The following SRFBP1 variants were observed in gnomAD, a reference collection of about 807,000 sequenced individuals.
SRFBP1 encodes serum response factor-binding protein 1.
SRFBP1 carries 47 observed loss-of-function variants against 45.5 expected under a neutral mutation model. The observed-to-expected ratio is 1.03, with a 90% CI of 0.82 to 1.32. The LOEUF (loss-of-function observed/expected upper bound fraction) is 1.32. Ranked by LOEUF, SRFBP1 falls within the 40% of genes most tolerant of loss-of-function variation. The probability of loss-of-function intolerance (pLI) is 0.00; values close to 1 mark genes in which losing one functional copy is unlikely to be tolerated. For synonymous variants in SRFBP1, 203 were observed against 166.3 expected, an observed-to-expected ratio of 1.22 and a Z score of -1.70; for missense variants, 621 against 484.6, an observed-to-expected ratio of 1.28 and a Z score of -2.64.
chr5:122,074,614 T>C (rs552981781), intron 2 of SRFBP1, among the ~76,000 whole-genome samples: 22 of 152,322 alleles, frequency 1.4e-4, no homozygotes, highest in African/African-American at 5.1e-4. Flanking sequence ...AAATCATTAG[T>C]GAAAAGCAAG....
intron 2 of SRFBP1, among the ~76,000 whole-genome samples, chr5:122,067,970 A>G (rs1754343752): frequency 1.3e-5 from 2 of 152,112 alleles, no homozygotes; most frequent in Non-Finnish European, 2.9e-5. Context: ...AAATGTAAGA[A>G]GCAAGTATTA....
At chr5:122,076,815 G>T (rs779529468), downstream of SRFBP1, 380 of 1,262,502 alleles carry the variant, frequency 3.0e-4, no homozygotes, top group Admixed American at 7.9e-4. Context: ...GCGCGAAGCA[G>T]TAGCAGTCAG....
chr5:122,067,994 G>A (rs181834031), intron 2 of SRFBP1, among the ~76,000 whole-genome samples: 8 of 152,082 alleles, frequency 5.3e-5, no homozygotes, highest in Admixed American at 2.0e-4. Context: ...TCCTGAAGGT[G>A]TGGGGTTTTT....
At chr5:122,068,717 G>T (rs748174379) in intron 2 of SRFBP1, among the ~76,000 whole-genome samples, 1 of 151,998 alleles carries the variant, frequency 6.6e-6, no homozygotes, top group Non-Finnish European at 1.5e-5. Context: ...GTGTAATAAG[G>T]CTACAGCAGT....
chr5:122,059,292 C>T (rs941196212), intron 2 of SRFBP1, among the ~76,000 whole-genome samples: 2 of 152,054 alleles, frequency 1.3e-5, no homozygotes, highest in African/African-American at 4.8e-5. Flanking sequence ...AAGTTATTTT[C>T]TTGAGGTTGG....
In SRFBP1 at chr5:122,027,094, T is replaced by C; in HGVS notation, c.1258T>C (p.Phe420Leu). Residue 420 changes from phenylalanine (F) to leucine (L), a missense_variant, in exon 8 of 8, where the codon TTT (phenylalanine) becomes CTT (leucine). Coordinates refer to ENST00000339397, the MANE Select transcript of SRFBP1 (RefSeq NM_152546.3). ...AGAACAGCAATCTAATATTGCTGTG[T>C]TTCAGGGGAAAAAAATTACGTTTGA... ...RKEQQSNIAV[F>L]QGKKITFDD is the part of the protein sequence containing the mutation. The C allele has an allele frequency of 6.2e-7, 1 of 1,606,292 alleles. No individual in the cohort carries two copies. The highest frequency in any genetic ancestry group is 8.5e-7 in the Non-Finnish European group (1 of 1,177,814).
chr5:121,989,839 C>T (rs1322408929), intron 3 of SRFBP1, among the ~76,000 whole-genome samples: 2 of 152,138 alleles, frequency 1.3e-5, no homozygotes, highest in African/African-American at 2.4e-5. Context: ...GCAGTAAGTA[C>T]TCTTCTTTGG....
At chr5:122,020,893 T>A (rs1753302511) in intron 6 of SRFBP1, 91 bp downstream of exon 6, 2 of 1,228,128 alleles carry the variant, frequency 1.6e-6, no homozygotes, top group Non-Finnish European at 2.2e-6. Flanking sequence ...AGACTATAAT[T>A]CTAGTTTGTA....
chr5:122,029,158 G>C (rs559944785), downstream of SRFBP1, among the ~76,000 whole-genome samples: 7 of 152,222 alleles, frequency 4.6e-5, no homozygotes, highest in South Asian at 1.2e-3. Context: ...ACATCTAGCA[G>C]ATATAGGCCT....
intron 2 of SRFBP1, among the ~76,000 whole-genome samples, chr5:122,047,209 G>A (rs944324492): frequency 6.6e-6 from 1 of 152,088 alleles, no homozygotes; most frequent in Non-Finnish European, 1.5e-5. Flanking sequence ...AATCCATCTT[G>A]AATTAATTTT....
chr5:122,076,670 C>T (rs1471272037), downstream of SRFBP1, among the ~76,000 whole-genome samples: 1 of 152,202 alleles, frequency 6.6e-6, no homozygotes, highest in East Asian at 1.9e-4. Flanking sequence ...GTTTCCTCCA[C>T]CTCTGTGATT....
intron 2 of SRFBP1, among the ~76,000 whole-genome samples, chr5:122,043,406 A>G (rs184239033): frequency 2.6e-4 from 40 of 152,020 alleles, no homozygotes; most frequent in Admixed American, 5.9e-4. Context: ...AGCAGAGACG[A>G]GGTTTCACTC....
At chr5:122,041,538 G>T (rs1753773113) in intron 2 of SRFBP1, among the ~76,000 whole-genome samples, 1 of 150,200 alleles carries the variant, frequency 6.7e-6, no homozygotes, top group Non-Finnish European at 1.5e-5. Flanking sequence ...TTGCCTTTTA[G>T]CTTTAATTTT....
chr5:122,046,279 G>A (rs1242154546), intron 2 of SRFBP1, among the ~76,000 whole-genome samples: 1 of 151,672 alleles, frequency 6.6e-6, no homozygotes, highest in Non-Finnish European at 1.5e-5. Context: ...TCCCACCTAT[G>A]AGTGAGAACA....
At chr5:121,993,918 T>G (rs1050339444) in intron 3 of SRFBP1, among the ~76,000 whole-genome samples, 1 of 152,032 alleles carries the variant, frequency 6.6e-6, no homozygotes, top group South Asian at 2.1e-4. Context: ...TTTTTCATTG[T>G]GACCGGAGAT....
intron 4 of SRFBP1, among the ~76,000 whole-genome samples, chr5:121,995,016 A>G (rs1752692949): frequency 6.8e-6 from 1 of 146,856 alleles, no homozygotes; most frequent in Non-Finnish European, 1.5e-5. Context: ...TCATAAAGCA[A>G]GTCCTGAGTG....
At chr5:121,967,833 T>G (rs1470870286) in intron 1 of SRFBP1, among the ~76,000 whole-genome samples, 1 of 152,236 alleles carries the variant, frequency 6.6e-6, no homozygotes, top group Non-Finnish European at 1.5e-5. Context: ...AGCCAGACCT[T>G]GTTTCGAACA....
chr5:122,018,260 G>A (rs574074717), intron 4 of SRFBP1, among the ~76,000 whole-genome samples: 15 of 152,314 alleles, frequency 9.8e-5, no homozygotes, highest in Non-Finnish European at 2.9e-5. Flanking sequence ...GTGGAAAATT[G>A]ACTGTTGAGA....
intron 3 of SRFBP1, among the ~76,000 whole-genome samples, chr5:121,977,614 A>G (rs1033030771): frequency 1.3e-5 from 2 of 152,078 alleles, no homozygotes; most frequent in African/African-American, 4.8e-5. Context: ...TCTCAATCTC[A>G]ATTAAATTTG....
Sources: allele counts gnomAD v4.1 joint callset (sites outside exome capture counted in the v4.1 genomes callset), GRCh38; gene constraint gnomAD v4.1.1; transcripts MANE v1.5; gene names NCBI Gene and HGNC (gene_info 2026-07-23, HGNC 2026-07-21).